The following GPAT4 variants were observed in gnomAD, a reference collection of about 807,000 sequenced individuals.
The protein encoded by GPAT4 is glycerol-3-phosphate acyltransferase 4.
A neutral mutation model predicts 58.0 loss-of-function variants in GPAT4; 17 were observed. That is an observed-to-expected ratio of 0.29 (90% CI 0.20 to 0.44). The LOEUF (loss-of-function observed/expected upper bound fraction) is 0.44. Among genes scored for constraint, GPAT4 ranks in the 20% least tolerant of loss-of-function variants. GPAT4 has a pLI of 1.00. For synonymous variants in GPAT4, 204 were observed against 210.1 expected, an observed-to-expected ratio of 0.97 and a Z score of 0.25; for missense variants, 377 against 574.5, an observed-to-expected ratio of 0.66 and a Z score of 3.51.
At chr8:41,617,445 T>C (rs1803628520) in intron 10 of GPAT4, among the ~76,000 whole-genome samples, 2 of 152,126 alleles carry the variant, frequency 1.3e-5, no homozygotes, top group South Asian at 2.1e-4. Context: ...TAAAAACTTA[T>C]TATTTTCCCT....
intron 4 of GPAT4, 31 bp from the exon 5 acceptor site, chr8:41,610,705 G>A (rs1312017828): frequency 1.9e-6 from 3 of 1,595,326 alleles, no homozygotes; most frequent in Non-Finnish European, 1.7e-6. Context: ...ATGATTTGCT[G>A]GCTGTGCTCT....
rs972791728 is a variant in GPAT4 at position 41,624,040 on chromosome 8, T to G, written c.*3039T>G. The G allele has an allele frequency of 6.6e-6, 1 of 152,294 alleles. No homozygotes were observed. The highest frequency in any genetic ancestry group is 1.5e-5 in the Non-Finnish European group (1 of 68,084). 9.4% of individuals were successfully genotyped at this position (152,294 alleles called of 1,614,324 possible). ...TTAGTAGAGACTGGGTTTCACCATG[T>G]TGGTCAGGCTGGTCTCCAACTCCTG... is the stretch of plus-strand genomic sequence containing the variant. On this transcript the variant is annotated 3_prime_UTR_variant, in exon 13 of 13. Coordinates refer to ENST00000396987, the MANE Select transcript of GPAT4 (RefSeq NM_178819.4).
chr8:41,601,818 C>G (rs559125783), intron 2 of GPAT4, among the ~76,000 whole-genome samples: 1 of 152,176 alleles, frequency 6.6e-6, no homozygotes, highest in East Asian at 1.9e-4. Flanking sequence ...ATCCCTATGA[C>G]TTTTAATGTA....
chr8:41,612,942 G>A lies in GPAT4; in HGVS notation c.893G>A (p.Arg298His), dbSNP rs1228798384. Reference protein sequence around the residue: ...VWFERSEVKDRHLVAKRLTEH... With the variant: ...VWFERSEVKDHHLVAKRLTEH... ...TTTGAGCGCTCGGAAGTGAAGGATCGCCACCTGGTGGCTAAGAGGTAATGG... is the reference window on the plus strand; with the variant it reads ...TTTGAGCGCTCGGAAGTGAAGGATCACCACCTGGTGGCTAAGAGGTAATGG... Residue 298 changes from arginine to histidine, a missense_variant, in exon 8 of 13, where the codon CGC (arginine) becomes CAC (histidine). Physicochemically the swap from Arg to His is conservative, Grantham distance 29. Transcript: ENST00000396987. 5 of 1,614,096 alleles carry A rather than the reference G, an allele frequency of 3.1e-6. No individual in the cohort carries two copies. The highest frequency in any genetic ancestry group is 4.2e-6 in the Non-Finnish European group (5 of 1,179,980).
Position 41,624,063 on chromosome 8 carries a change from C to T in GPAT4, c.*3062C>T, listed in dbSNP as rs1803841224. 6.6e-6 allele frequency: 1 copy of T among 152,286 alleles called. No individual in the cohort carries two copies. The highest frequency in any genetic ancestry group is 2.4e-5 in the African/African-American group (1 of 41,466). The allele number at this position is 152,286 out of a possible 1,614,324, so 9.4% of individuals were successfully genotyped here. ...TGTTGGTCAGGCTGGTCTCCAACTC[C>T]TGACCTCAGGTGATCCACTCTCCTT... On this transcript the variant is annotated 3_prime_UTR_variant, in exon 13 of 13. Transcript: ENST00000396987.
At chr8:41,595,237 G>A (rs1330277726) in intron 1 of GPAT4, among the ~76,000 whole-genome samples, 2 of 146,662 alleles carry the variant, frequency 1.4e-5, no homozygotes, top group Admixed American at 1.4e-4. Context: ...AGGTCTGGTT[G>A]GACCTTTGTA....
chr8:41,590,438 A>C (rs1802760695), intron 1 of GPAT4, among the ~76,000 whole-genome samples: 1 of 152,222 alleles, frequency 6.6e-6, no homozygotes, highest in African/African-American at 2.4e-5. Context: ...AGTAGGGGTT[A>C]CAGAGCAGGG....
chr8:41,586,608 G>C, intron 1 of GPAT4, among the ~76,000 whole-genome samples: 1 of 152,102 alleles, frequency 6.6e-6, no homozygotes, highest in East Asian at 1.9e-4. Flanking sequence ...AAGCAAATCC[G>C]CTTTTTCTAG....
At position 41,624,798 on chromosome 8, in the gene GPAT4, A is replaced by G. The variant is rs1803866337; in HGVS notation, c.*3797A>G. On this transcript the variant is annotated 3_prime_UTR_variant, in exon 13 of 13. Coordinates refer to ENST00000396987, the MANE Select transcript of GPAT4 (RefSeq NM_178819.4). Reference sequence around the variant, plus strand: ...AAAAGGGGGAACTTTTCATTGCGCCAGGGGTGGCACCTGGCGTGTGTTGCG... The same window carrying G: ...AAAAGGGGGAACTTTTCATTGCGCCGGGGGTGGCACCTGGCGTGTGTTGCG... 6.6e-6 allele frequency: 1 copy of G among 151,960 alleles called. No homozygotes were observed. Among genetic ancestry groups the G allele is most frequent in the South Asian group, 2.1e-4 (1 of 4,806 alleles). The allele number at this position is 151,960 out of a possible 1,614,324, so 9.4% of individuals were successfully genotyped here. A position where few individuals can be genotyped will look rare whatever the true frequency, so the allele number is the denominator to read the frequency against.
intron 2 of GPAT4, among the ~76,000 whole-genome samples, chr8:41,602,452 C>T (rs1803130860): frequency 6.6e-6 from 1 of 152,176 alleles, no homozygotes; most frequent in Non-Finnish European, 1.5e-5. Flanking sequence ...AACTGAGTCA[C>T]GTGGGCCAGA....
rs983893169 is a variant in GPAT4, at chr8:41,621,441, A to T, written c.*440A>T. ...TCTCCAGGAAAGGCACAGCTGAGGC[A>T]CTGTGGCTGGCTTCGGCCTCAACAT... On this transcript the variant is annotated 3_prime_UTR_variant, in exon 13 of 13. Transcript: ENST00000396987. 1.8e-5 allele frequency: 3 copies of T among 166,552 alleles called. No homozygotes were observed. Among genetic ancestry groups the T allele is most frequent in the Admixed American group, 1.8e-4 (3 of 16,746 alleles). The allele number at this position is 166,552 out of a possible 1,614,324, so 10.3% of individuals were successfully genotyped here. A position where few individuals can be genotyped will look rare whatever the true frequency, so the allele number is the denominator to read the frequency against.
chr8:41,612,797 T>A (rs368508983), intron 7 of GPAT4, 48 bp from the exon 8 acceptor site: 268 of 1,513,426 alleles, frequency 1.8e-4, no homozygotes, highest in Non-Finnish European at 2.3e-4. Context: ...GTGGGGAGAT[T>A]CGTGTGAAGA....
chr8:41,613,327 AGT>A (rs1214885892), intron 8 of GPAT4, among the ~76,000 whole-genome samples: 1 of 152,164 alleles, frequency 6.6e-6, no homozygotes, highest in Non-Finnish European at 1.5e-5. Flanking sequence ...CAGAGGTTGC[AGT>A]GAGCTGAGAT....
At chr8:41,602,772 A>G (rs1803140417) in intron 2 of GPAT4, among the ~76,000 whole-genome samples, 1 of 152,042 alleles carries the variant, frequency 6.6e-6, no homozygotes, top group South Asian at 2.1e-4. Context: ...GGCTTAAAAA[A>G]CACGTTTAGT....
At chr8:41,600,358 G>C (rs1158174044) in intron 2 of GPAT4, among the ~76,000 whole-genome samples, 3 of 151,990 alleles carry the variant, frequency 2.0e-5, no homozygotes, top group African/African-American at 4.8e-5. Flanking sequence ...GTATCTTCTG[G>C]TTTTGAGAGT....
At chr8:41,590,018 G>A (rs140102485) in intron 1 of GPAT4, among the ~76,000 whole-genome samples, 9 of 152,322 alleles carry the variant, frequency 5.9e-5, no homozygotes, top group African/African-American at 1.9e-4. Context: ...ACACAAGAGC[G>A]TGTCTGTATC....
Position 41,609,741 on chromosome 8 carries a change from C to G in GPAT4, c.322C>G (p.Pro108Ala). Reference sequence around the variant, plus strand: ...TAGTAGTAAGGCTCTGGACAACACTCCAGAGTTCGAGCTCTCTGACATTTT... The same window carrying G: ...TAGTAGTAAGGCTCTGGACAACACTGCAGAGTTCGAGCTCTCTGACATTTT... ...SGSSKALDNT[P>A]EFELSDIFYF... is the part of the protein sequence containing the mutation. Residue 108 changes from proline (P) to alanine (A), a missense_variant, in exon 4 of 13, where the codon CCA becomes GCA. Physicochemically the swap from Pro to Ala is conservative, Grantham distance 27. Coordinates refer to ENST00000396987, the MANE Select transcript of GPAT4 (RefSeq NM_178819.4). The G allele has an allele frequency of 6.2e-7, 1 of 1,614,060 alleles. No homozygotes were observed. Among genetic ancestry groups the G allele is most frequent in the Non-Finnish European group, 8.5e-7 (1 of 1,180,028 alleles).
chr8:41,585,158 C>T (rs1029599812), intron 1 of GPAT4, among the ~76,000 whole-genome samples: 2 of 152,202 alleles, frequency 1.3e-5, no homozygotes, highest in Admixed American at 6.5e-5. Context: ...TTAAATTCAG[C>T]GTAGCACACA....
At chr8:41,611,349 A>C (rs1396356501) in intron 5 of GPAT4, among the ~76,000 whole-genome samples, 1 of 152,236 alleles carries the variant, frequency 6.6e-6, no homozygotes, top group Non-Finnish European at 1.5e-5. Context: ...TTTGAAGACA[A>C]AAGGGAGGAG....
Sources: allele counts gnomAD v4.1 joint callset (sites outside exome capture counted in the v4.1 genomes callset), GRCh38; gene constraint gnomAD v4.1.1; transcripts MANE v1.5; gene names NCBI Gene and HGNC (gene_info 2026-07-23, HGNC 2026-07-21).